Variants in TYK2 observed in about 807,000 individuals in gnomAD.
TYK2 encodes tyrosine kinase 2, also known as non-receptor tyrosine-protein kinase TYK2.
Under a neutral mutation model 130.9 loss-of-function variants are expected in TYK2, and 65 were observed. That is an observed-to-expected ratio of 0.50 (90% confidence interval 0.41 to 0.61). The LOEUF is 0.61. Ranked by LOEUF, TYK2 falls within the 20% of genes least tolerant of loss-of-function variation. TYK2 has a pLI of 0.00. For missense variants in TYK2, 1,378 were observed against 1,610.7 expected (o/e 0.86, Z 2.47); for synonymous variants, 647 against 658.9 (o/e 0.98, Z 0.28).
rs1167247189 is a variant in TYK2 at position 10,362,130 on chromosome 19, A to T, written c.1721T>A (p.Leu574His). 6.2e-7 allele frequency: 1 copy of T among 1,613,994 alleles called. No individual in the cohort carries two copies. Among genetic ancestry groups the T allele is most frequent in the Non-Finnish European group, 8.5e-7 (1 of 1,179,992 alleles). The change falls in exon 12 of 25, where the codon CTC becomes CAC. Residue 574 changes from leucine to histidine, a missense_variant. Transcript: ENST00000525621. The stretch of plus-strand genomic sequence containing the variant: ...GTGGAAGCTGAGCTGGCTGAGGTTG[A>T]GTGTCCTGGGGCTGGCCCGAGCCCC... ...MRGARASPRT[L>H]NLSQLSFHRV...
At chr19:10,360,154 C>T (rs2041328390) in intron 14 of TYK2, among the ~76,000 whole-genome samples, 1 of 151,698 alleles carries the variant, frequency 6.6e-6, no homozygotes, top group Admixed American at 6.6e-5. Context: ...TGTATTCCAG[C>T]CTGGGTGACA....
rs745857652 is a variant in TYK2 at position 10,368,393 on chromosome 19, G to A, written c.219C>T (p.Leu73=). The A allele has an allele frequency of 1.4e-5, 23 of 1,614,052 alleles. No homozygotes were observed. The highest frequency in any genetic ancestry group is 3.3e-4 in the Middle Eastern group (2 of 6,084). ...GGGCCTGAGCATCGAAGAGGGCAAA[G>A]AGATTGAAGCAAGGAGGAGTGATAC... ...KVGITPPCFN[L]FALFDAQAQV... The change falls in exon 4 of 25, where the codon CTC becomes CTT. Residue 73 remains leucine, a synonymous_variant. Transcript: ENST00000525621.
chr19:10,371,652 A>G (rs1366024803), intron 3 of TYK2, among the ~76,000 whole-genome samples: 1 of 151,986 alleles, frequency 6.6e-6, no homozygotes, highest in African/African-American at 2.4e-5. Flanking sequence ...AAAAAAAGTT[A>G]TGAACTGTAA....
chr19:10,354,772 A>C (rs2041002924), intron 18 of TYK2, among the ~76,000 whole-genome samples, 163 bp from the exon 19 acceptor site: 1 of 152,096 alleles, frequency 6.6e-6, no homozygotes, highest in Admixed American at 6.6e-5. Flanking sequence ...GTACAAAATG[A>C]TGCAGAGTTG....
intron 3 of TYK2, among the ~76,000 whole-genome samples, chr19:10,377,689 GATGGATAGATGGATGA>G (rs2042202971): frequency 4.6e-5 from 1 of 21,858 alleles, no homozygotes; most frequent in Non-Finnish European, 8.9e-5. Context: ...TGGGTGGATG[GATGGATAGATGGATGA>G]ATGGGTGGGT....
Position 10,354,520 on chromosome 19 carries a change from G to A in TYK2, c.2707C>T (p.Leu903=). ...HKRYLKKIRD[L]GEGHFGKVSL... is the part of the protein sequence containing the mutation. ...TCAGGCCCGTCCCTCACCTCGCCCA[G>A]ATCTCGGATCTTTTTCAAATAGCGC... Residue 903 remains leucine, a synonymous_variant, in exon 19 of 25, where the codon CTG becomes TTG. Coordinates refer to ENST00000525621, the MANE Select transcript of TYK2 (RefSeq NM_003331.5). 1.2e-6 allele frequency: 2 copies of A among 1,614,012 alleles called. No individual in the cohort carries two copies. The highest frequency in any genetic ancestry group is 1.7e-6 in the Non-Finnish European group (2 of 1,179,992).
At position 10,354,558 on chromosome 19, in the gene TYK2, G is replaced by C. The variant is rs1303144673; in HGVS notation, c.2669C>G (p.Thr890Arg). Residue 890 changes from threonine (T) to arginine (R), a missense_variant, in exon 19 of 25, where the codon ACG (threonine) becomes AGG (arginine). Coordinates refer to ENST00000525621, the MANE Select transcript of TYK2 (RefSeq NM_003331.5). ...TTTCAAATAGCGCTTGTGGAAAACC[G>C]TAGGGTCCGACGCCGGTGAGTCCGG... ...VNPDSPASDP[T>R]VFHKRYLKKI... 1 of 1,614,020 alleles carries C rather than the reference G, an allele frequency of 6.2e-7. No individual in the cohort carries two copies. The highest frequency in any genetic ancestry group is 1.1e-5 in the South Asian group (1 of 91,086).
intron 3 of TYK2, among the ~76,000 whole-genome samples, chr19:10,374,299 C>A (rs1436553965): frequency 6.7e-6 from 1 of 149,128 alleles, no homozygotes; most frequent in African/African-American, 2.5e-5. Context: ...AAGAATCAGC[C>A]ATGGCCAGGC....
At chr19:10,377,571 G>T (rs1480287575) in intron 3 of TYK2, among the ~76,000 whole-genome samples, 2 of 114,930 alleles carry the variant, frequency 1.7e-5, no homozygotes, top group South Asian at 3.3e-4. Context: ...TGGATGGGTG[G>T]GTGGGTGGAT....
rs756027807 is a variant in TYK2 at position 10,356,642 on chromosome 19, C to T, written c.2543G>A (p.Cys848Tyr). The part of the protein sequence containing the change: ...CPQLATLTSQ[C>Y]LTYEPTQRPS... ...CCTCTGGGTTGGCTCATAGGTCAGA[C>T]ACTGGCTGGTGAGTGTGGCCAGCTG... Residue 848 changes from cysteine (C) to tyrosine (Y), a missense_variant, in exon 18 of 25, where the codon TGT becomes TAT. By Grantham distance (194) the Cys-to-Tyr change is radical. Coordinates refer to ENST00000525621, the MANE Select transcript of TYK2 (RefSeq NM_003331.5). The T allele has an allele frequency of 6.2e-7, 1 of 1,613,562 alleles. No homozygotes were observed. The highest frequency in any genetic ancestry group is 1.7e-5 in the Admixed American group (1 of 59,944).
In TYK2 at chr19:10,364,022, A is replaced by G. The variant is rs1209554093; in HGVS notation, c.1367+592T>C. Reference sequence around the variant, plus strand: ...CCCTGCACCTGATGATGACATAAGTACCGACAACTTCACGCCCTCAGGCCC... The same window carrying G: ...CCCTGCACCTGATGATGACATAAGTGCCGACAACTTCACGCCCTCAGGCCC... On this transcript the variant is annotated intron_variant, in intron 9 of 24. Coordinates refer to ENST00000525621, the MANE Select transcript of TYK2 (RefSeq NM_003331.5). This position sits in a 1 kb window ranked among gnomAD's most constrained non-coding sequence, Gnocchi z 4.9. 6.6e-6 allele frequency among the ~76,000 whole-genome samples: 1 copy of G among 152,208 alleles called. No individual in the cohort carries two copies.
chr19:10,351,380 G>A, intron 23 of TYK2: 1 of 446,324 alleles, frequency 2.2e-6, no homozygotes, highest in Non-Finnish European at 4.2e-6. Context: ...CCAGCTACTT[G>A]GGAGGCTGAG....
At chr19:10,363,155 C>T (rs574576295) in intron 9 of TYK2, among the ~76,000 whole-genome samples, 4 of 151,116 alleles carry the variant, frequency 2.6e-5, no homozygotes, top group Admixed American at 6.6e-5. Flanking sequence ...GGATTACAGG[C>T]ATGAGCCACT....
rs2042255381 is a variant in TYK2 at position 10,378,620 on chromosome 19, C to T, written c.-20-194G>A. ...TTGGACAGGGTTGGGGTATGCATCC[C>T]CACCTAGATCTCTCATCAACAATAA... On this transcript the variant is annotated intron_variant, in intron 2 of 24. Coordinates refer to ENST00000525621, the MANE Select transcript of TYK2 (RefSeq NM_003331.5). The T allele has an allele frequency of 1.4e-5, 8 of 583,736 alleles. No individual in the cohort carries two copies. The East Asian group carries it at 2.3e-4, about 17-fold the overall frequency. The allele number at this position is 583,736 out of a possible 1,614,324, so 36.2% of individuals were successfully genotyped here.
chr19:10,378,642 A>G (rs1229477495), intron 2 of TYK2: 1 of 566,318 alleles, frequency 1.8e-6, no homozygotes, highest in East Asian at 2.9e-5. Context: ...CTCATCAACA[A>G]TAACACTGAA....
rs1333640858 is a variant in TYK2, at chr19:10,364,502, T to A, written c.1367+112A>T. 30 of 1,183,612 alleles carry A rather than the reference T, an allele frequency of 2.5e-5. No homozygotes were observed. The African/African-American group carries it at 3.3e-4, about 13-fold the overall frequency. 73.3% of individuals were successfully genotyped at this position (1,183,612 alleles called of 1,614,324 possible). A position where few individuals can be genotyped will look rare whatever the true frequency, so the allele number is the denominator to read the frequency against. ...GCACTCCAGTTTGGGCGACAAAAAA[T>A]AAAAAAAAAATAAGACGTGCACCTA... On this transcript the variant is annotated intron_variant, in intron 9 of 24. Coordinates refer to ENST00000525621, the MANE Select transcript of TYK2 (RefSeq NM_003331.5). The surrounding 1 kb of genome is among the most constrained non-coding windows in gnomAD (Gnocchi z 4.9).
rs1172773246 is a variant in TYK2 at position 10,352,629 on chromosome 19, T to C, written c.3201-78A>G. 11 of 806,558 alleles carry C rather than the reference T, an allele frequency of 1.4e-5. No individual in the cohort carries two copies. In the East Asian group the frequency reaches 2.5e-4, roughly 19 times the overall value. 50.0% of individuals were successfully genotyped at this position (806,558 alleles called of 1,614,324 possible). A position where few individuals can be genotyped will look rare whatever the true frequency, so the allele number is the denominator to read the frequency against. On this transcript the variant is annotated intron_variant, in intron 22 of 24. Transcript: ENST00000525621. ...ATCAGACCAGGCTGAAGCCCTCACC[T>C]GAGACTGAAGGACCCTCTGGGCTCA...
chr19:10,361,650 ACCT>A lies in TYK2; in HGVS notation c.1960-55_1960-53del. The A allele has an allele frequency of 6.4e-7, 1 of 1,551,424 alleles. No individual in the cohort carries two copies. The highest frequency in any genetic ancestry group is 8.7e-7 in the Non-Finnish European group (1 of 1,149,060). ...CTGCAAAGCCGACCCCTCCCATCCC[ACCT>A]CCTCCACGGACACACCCCTCCCATC... On this transcript the variant is annotated intron_variant, in intron 13 of 24. Transcript: ENST00000525621. The surrounding 1 kb of genome is among the most constrained non-coding windows in gnomAD (Gnocchi z 4.0).
intron 3 of TYK2, among the ~76,000 whole-genome samples, chr19:10,372,483 TA>T (rs1389784345): frequency 0.032 from 2,040 of 63,610 alleles, 74 homozygotes; most frequent in Non-Finnish European, 0.047. Context: ...TATATATATA[TA>T]TTTTTTTTTT....
Sources: gnomAD v4.1 joint callset for allele counts (sites outside exome capture counted in the v4.1 genomes callset) on GRCh38, gnomAD v4.1.1 for gene constraint, Gnocchi (gnomAD v3.1) non-coding constraint, MANE v1.5 for transcripts, NCBI Gene and HGNC (gene_info 2026-07-23, HGNC 2026-07-21) for gene names.